Variants in GALNTL6 observed in about 807,000 individuals in gnomAD.
GALNTL6 encodes the protein polypeptide N-acetylgalactosaminyltransferase-like 6.
GALNTL6 carries 46 observed loss-of-function variants against 73.7 expected under a neutral mutation model. That is an observed-to-expected ratio of 0.62 (90% CI 0.49 to 0.80). The LOEUF is 0.80. Ranked by LOEUF, GALNTL6 falls within the 30% of genes least tolerant of loss-of-function variation. The pLI is 0.00. For missense variants in GALNTL6, 604 were observed against 755.0 expected, an observed-to-expected ratio of 0.80 and a Z score of 2.34; for synonymous variants, 259 against 263.7, an observed-to-expected ratio of 0.98 and a Z score of 0.17.
rs1491525940 is a variant in GALNTL6 at position 172,337,698 on chromosome 4, TTG to T, written c.387-10823_387-10822del. 1.9e-3 allele frequency among the ~76,000 whole-genome samples: 179 copies of T among 94,866 alleles called. 3 individuals are homozygous for T. Among genetic ancestry groups the T allele is most frequent in the South Asian group, 8.1e-3 (17 of 2,106 alleles). 62.2% of individuals were successfully genotyped at this position (94,866 alleles called of 152,430 possible). On this transcript the variant is annotated intron_variant, in intron 4 of 12. Transcript: ENST00000506823. ...TTACTCTACCCGTCTTTAAGGTTTTTTGTTTTTTTTTTTCTAGTGTTGACCTT... is the reference window on the plus strand; with the variant it reads ...TTACTCTACCCGTCTTTAAGGTTTTTTTTTTTTTTTTCTAGTGTTGACCTT...
chr4:172,315,290 T>C (rs1443628722), intron 4 of GALNTL6, among the ~76,000 whole-genome samples: 1 of 152,060 alleles, frequency 6.6e-6, no homozygotes, highest in Non-Finnish European at 1.5e-5. Context: ...TGAGATGGAG[T>C]TTCACTCTTG....
chr4:173,026,302 C>A (rs1579799342), intron 12 of GALNTL6, among the ~76,000 whole-genome samples: 4 of 152,288 alleles, frequency 2.6e-5, no homozygotes, highest in Admixed American at 2.0e-4. Flanking sequence ...TACTGAAGAT[C>A]TCTGGAAATG....
intron 5 of GALNTL6, among the ~76,000 whole-genome samples, chr4:172,756,336 A>G (rs1035222767): frequency 1.3e-5 from 2 of 152,202 alleles, no homozygotes; most frequent in African/African-American, 4.8e-5. Context: ...TGATTTGTCC[A>G]TTGCAAGCAT....
At chr4:171,826,436 T>C (rs552749606) in intron 2 of GALNTL6, among the ~76,000 whole-genome samples, 1 of 152,260 alleles carries the variant, frequency 6.6e-6, no homozygotes, top group Admixed American at 6.5e-5. Flanking sequence ...TATTTTGTTT[T>C]TCTTCTCATT....
chr4:171,912,476 G>A (rs1190555929), intron 2 of GALNTL6, among the ~76,000 whole-genome samples: 2 of 152,150 alleles, frequency 1.3e-5, no homozygotes, highest in Non-Finnish European at 2.9e-5. Flanking sequence ...GTTGATACAT[G>A]TATACAATAT....
chr4:172,278,426 C>T (rs1226083404), intron 3 of GALNTL6, among the ~76,000 whole-genome samples: 4 of 152,092 alleles, frequency 2.6e-5, no homozygotes, highest in African/African-American at 9.7e-5. Flanking sequence ...TCTATTTGTT[C>T]CTGCCATTTT....
chr4:171,951,253 T>C (rs1270645881), intron 2 of GALNTL6, among the ~76,000 whole-genome samples: 1 of 151,992 alleles, frequency 6.6e-6, no homozygotes, highest in African/African-American at 2.4e-5. Flanking sequence ...AAATAGACAT[T>C]GGGGCAAAAA....
At chr4:172,237,274 C>A (rs1469853840) in intron 3 of GALNTL6, among the ~76,000 whole-genome samples, 1 of 152,136 alleles carries the variant, frequency 6.6e-6, no homozygotes, top group Non-Finnish European at 1.5e-5. Context: ...GTTTTAGGTT[C>A]TTTGGGTAAT....
chr4:171,935,187 A>G (rs1308844516), intron 2 of GALNTL6, among the ~76,000 whole-genome samples: 1 of 152,176 alleles, frequency 6.6e-6, no homozygotes, highest in Non-Finnish European at 1.5e-5. Context: ...TTTATTTTCA[A>G]AATCCTAATC....
At chr4:171,951,723 C>A (rs1300697590) in intron 2 of GALNTL6, among the ~76,000 whole-genome samples, 1 of 151,430 alleles carries the variant, frequency 6.6e-6, no homozygotes, top group Admixed American at 6.6e-5. Context: ...AAGAAATCTG[C>A]GGAAAAAATT....
At chr4:172,317,923 A>G (rs1411060257) in intron 4 of GALNTL6, among the ~76,000 whole-genome samples, 1 of 152,236 alleles carries the variant, frequency 6.6e-6, no homozygotes, top group African/African-American at 2.4e-5. Flanking sequence ...ATGACTGTTC[A>G]TGCACTCCAA....
At chr4:172,682,859 T>G (rs1425945334) in intron 5 of GALNTL6, among the ~76,000 whole-genome samples, 1 of 151,736 alleles carries the variant, frequency 6.6e-6, no homozygotes, top group Admixed American at 6.6e-5. Flanking sequence ...GGAAAAAAAT[T>G]AGAAAAAAAA....
intron 8 of GALNTL6, among the ~76,000 whole-genome samples, chr4:172,897,478 G>A (rs1345602481): frequency 6.6e-6 from 1 of 152,162 alleles, no homozygotes; most frequent in Non-Finnish European, 1.5e-5. Context: ...GATGTCAGTG[G>A]GCAGATGAGC....
At chr4:172,798,324 C>T (rs1740397987) in intron 5 of GALNTL6, among the ~76,000 whole-genome samples, 1 of 152,116 alleles carries the variant, frequency 6.6e-6, no homozygotes, top group South Asian at 2.1e-4. Flanking sequence ...TAAGAGGTGA[C>T]TGAATCTTAG....
chr4:172,754,632 G>C (rs1737636302), intron 5 of GALNTL6, among the ~76,000 whole-genome samples: 1 of 152,044 alleles, frequency 6.6e-6, no homozygotes, highest in South Asian at 2.1e-4. Context: ...TGCATTATAG[G>C]TTATCAAAAG....
Position 172,177,736 on chromosome 4 carries a change from T to C in GALNTL6, c.139-51920T>C, listed in dbSNP as rs1422752106. On this transcript the variant is annotated intron_variant, in intron 2 of 12. Coordinates refer to ENST00000506823, the MANE Select transcript of GALNTL6 (RefSeq NM_001034845.3). ...TACTTAGTATGTGTGTATATATATA[T>C]ACACATGTGTATATATATGTGTGTA... Among the ~76,000 whole-genome samples the C allele has an allele frequency of 2.4e-4, 25 of 104,452 alleles. 1 individual carries two copies. The highest frequency in any genetic ancestry group is 1.1e-3 in the South Asian group (4 of 3,730). The allele number at this position is 104,452 out of a possible 152,430, so 68.5% of individuals were successfully genotyped here. A position where few individuals can be genotyped will look rare whatever the true frequency, so the allele number is the denominator to read the frequency against.
chr4:172,082,950 G>T (rs1731923782), intron 2 of GALNTL6, among the ~76,000 whole-genome samples: 1 of 151,922 alleles, frequency 6.6e-6, no homozygotes. Context: ...TTCTTTTTTG[G>T]TGTTATAAGT....
chr4:173,029,727 C>T (rs1388226129), intron 12 of GALNTL6, among the ~76,000 whole-genome samples: 3 of 152,202 alleles, frequency 2.0e-5, no homozygotes, highest in African/African-American at 7.2e-5. Flanking sequence ...TCTCTCCAAT[C>T]TTATATCTGT....
intron 2 of GALNTL6, among the ~76,000 whole-genome samples, chr4:172,023,539 T>A (rs539835497): frequency 2.0e-5 from 3 of 152,018 alleles, no homozygotes; most frequent in African/African-American, 7.2e-5. Flanking sequence ...TTAATTACTT[T>A]TCTTATTTCA....
Sources: allele counts gnomAD v4.1 joint callset (sites outside exome capture counted in the v4.1 genomes callset), GRCh38; gene constraint gnomAD v4.1.1; transcripts MANE v1.5; gene names NCBI Gene and HGNC (gene_info 2026-07-23, HGNC 2026-07-21).